Variants in CTNNA1 observed in about 807,000 individuals in gnomAD.
CTNNA1 encodes the protein catenin alpha 1.
CTNNA1 carries 37 observed loss-of-function variants against 98.4 expected under a neutral mutation model. The ratio of observed to expected loss-of-function variants is 0.38; its 90% CI spans 0.29 to 0.49. CTNNA1 has a LOEUF of 0.49. CTNNA1 is among the 20% of genes least tolerant of loss of function. CTNNA1 has a pLI of 0.95. For missense variants in CTNNA1, 761 were observed against 1,147.2 expected (o/e 0.66, Z 4.86); for synonymous variants, 404 against 413.2 (o/e 0.98, Z 0.27).
chr5:138,887,834 C>T (rs1015424947), intron 9 of CTNNA1, 192 bp downstream of exon 9: 5 of 472,510 alleles, frequency 1.1e-5, no homozygotes, highest in African/African-American at 2.0e-5. Context: ...TAACTATGTA[C>T]GTTATTAAAT....
chr5:138,931,783 T>TA, intron 16 of CTNNA1: 2 of 985,546 alleles, frequency 2.0e-6, no homozygotes, highest in Non-Finnish European at 2.4e-6. Flanking sequence ...CATGACTACT[T>TA]AGAATACAGC....
intron 7 of CTNNA1, 140 bp downstream of exon 7, chr5:138,827,858 A>G (rs1414641724): frequency 5.2e-6 from 5 of 966,162 alleles, no homozygotes; most frequent in Non-Finnish European, 6.0e-6. Context: ...TCAGATTTTT[A>G]AAGAAATGGA....
In CTNNA1 at chr5:138,782,028, A is replaced by G. The variant is rs1580978232; in HGVS notation, c.104A>G (p.Gln35Arg). ...AGACTGTTGGAGCCTCTTGTTACACAGGTAAGAATCTGAAAACACAAATAC... is the reference window on the plus strand; with the variant it reads ...AGACTGTTGGAGCCTCTTGTTACACGGGTAAGAATCTGAAAACACAAATAC... ...VERLLEPLVT[Q>R]VTTLVNTNSK... is the part of the protein sequence containing the mutation. The change falls in exon 2 of 18, where the codon CAG becomes CGG. Residue 35 changes from glutamine (Q) to arginine (R), a missense_variant and splice_region_variant. By Grantham distance (43) the Gln-to-Arg change is conservative. Coordinates refer to ENST00000302763, the MANE Select transcript of CTNNA1 (RefSeq NM_001903.5). 4.4e-6 allele frequency: 7 copies of G among 1,608,072 alleles called. No homozygotes were observed. The highest frequency in any genetic ancestry group is 5.1e-6 in the Non-Finnish European group (6 of 1,178,642).
chr5:138,782,449 A>G (rs1467724254), intron 2 of CTNNA1: 9 of 365,068 alleles, frequency 2.5e-5, no homozygotes, highest in Non-Finnish European at 4.4e-5. Flanking sequence ...CAAATGTCAC[A>G]ATGTTAGGGT....
chr5:138,830,704 C>A (rs536466727), intron 7 of CTNNA1, among the ~76,000 whole-genome samples: 10 of 152,320 alleles, frequency 6.6e-5, no homozygotes, highest in South Asian at 4.1e-4. Flanking sequence ...TCAGTCAGTT[C>A]ATTCTGAGTA....
At chr5:138,811,151 C>A (rs1203955892) in intron 4 of CTNNA1, among the ~76,000 whole-genome samples, 3 of 151,874 alleles carry the variant, frequency 2.0e-5, no homozygotes, top group Non-Finnish European at 4.4e-5. Context: ...GGGCTCCTCA[C>A]TTCTCAGATG....
intron 1 of CTNNA1, among the ~76,000 whole-genome samples, chr5:138,772,111 G>A (rs918093781): frequency 6.6e-6 from 1 of 152,146 alleles, no homozygotes; most frequent in Non-Finnish European, 1.5e-5. Flanking sequence ...CCAGTTATCA[G>A]CCCCCTTGGT....
chr5:138,914,439 G>A (rs1008489450), intron 10 of CTNNA1, among the ~76,000 whole-genome samples: 2 of 152,210 alleles, frequency 1.3e-5, no homozygotes, highest in African/African-American at 2.4e-5. Flanking sequence ...ACAGCATAAC[G>A]TGAGAAAAAC....
At chr5:138,899,760 C>A (rs1482174434) in intron 9 of CTNNA1, among the ~76,000 whole-genome samples, 1 of 152,216 alleles carries the variant, frequency 6.6e-6, no homozygotes, top group African/African-American at 2.4e-5. Context: ...TTTCTCTTTT[C>A]TAGCCTCTGA....
intron 9 of CTNNA1, among the ~76,000 whole-genome samples, chr5:138,889,631 C>A (rs1466879881): frequency 2.1e-5 from 3 of 145,836 alleles, no homozygotes; most frequent in Non-Finnish European, 3.0e-5. Context: ...CAAAGGCCCC[C>A]CCACCCCCAC....
At chr5:138,762,613 CCT>C (rs1417817046) in intron 1 of CTNNA1, among the ~76,000 whole-genome samples, 1 of 151,608 alleles carries the variant, frequency 6.6e-6, no homozygotes, top group African/African-American at 2.4e-5. Flanking sequence ...TCGATCAACC[CCT>C]CTTTTTGATT....
intron 7 of CTNNA1, among the ~76,000 whole-genome samples, chr5:138,831,599 G>T (rs2149794615): frequency 6.6e-6 from 1 of 151,306 alleles, no homozygotes; most frequent in Admixed American, 6.6e-5. Context: ...TCTTTCTTCA[G>T]GCCCCACATT....
intron 1 of CTNNA1, among the ~76,000 whole-genome samples, chr5:138,774,404 C>T (rs904044143): frequency 5.9e-5 from 9 of 152,032 alleles, no homozygotes; most frequent in African/African-American, 2.2e-4. Context: ...TTGGGAGATT[C>T]CATGTAAAAA....
intron 7 of CTNNA1, among the ~76,000 whole-genome samples, chr5:138,860,533 G>A (rs542939249): frequency 6.6e-6 from 1 of 152,026 alleles, no homozygotes. Flanking sequence ...ACGGAGTCTT[G>A]CTCTATCTCT....
chr5:138,770,174 A>G lies in CTNNA1; in HGVS notation c.-2-11749A>G, dbSNP rs1462151099. On this transcript the variant is annotated intron_variant, in intron 1 of 17. Transcript: ENST00000302763. ...TAAAAAATGATTTTTGGTTCAAGGA[A>G]GTCAGTTCGGTCCAATTGTTCTAAA... 2.0e-5 allele frequency among the ~76,000 whole-genome samples: 3 copies of G among 152,162 alleles called. No individual in the cohort carries two copies. The East Asian group carries it at 5.8e-4, about 29-fold the overall frequency.
At chr5:138,782,941 T>G (rs1245401216) in intron 2 of CTNNA1, among the ~76,000 whole-genome samples, 1 of 152,202 alleles carries the variant, frequency 6.6e-6, no homozygotes, top group Non-Finnish European at 1.5e-5. Flanking sequence ...AATGATCATA[T>G]TTGAGAAATT....
intron 7 of CTNNA1, chr5:138,871,946 T>A (rs1246998140): frequency 1.3e-5 from 2 of 151,802 alleles, no homozygotes; most frequent in Non-Finnish European, 2.9e-5. Flanking sequence ...GGTTTGAAGA[T>A]CAGGAAAAAG....
chr5:138,796,571 C>A (rs1757003563), intron 3 of CTNNA1, among the ~76,000 whole-genome samples: 1 of 148,996 alleles, frequency 6.7e-6, no homozygotes, highest in Non-Finnish European at 1.5e-5. Flanking sequence ...TAGTAGGTAT[C>A]TGAGAAGAAA....
intron 7 of CTNNA1, among the ~76,000 whole-genome samples, chr5:138,833,020 GT>G (rs1434554041): frequency 6.6e-6 from 1 of 152,114 alleles, no homozygotes; most frequent in Non-Finnish European, 1.5e-5. Flanking sequence ...TAAGGCATGT[GT>G]TTTTCCAATA....
Sources: gnomAD v4.1 joint callset for allele counts (sites outside exome capture counted in the v4.1 genomes callset) on GRCh38, gnomAD v4.1.1 for gene constraint, MANE v1.5 for transcripts, NCBI Gene and HGNC (gene_info 2026-07-23, HGNC 2026-07-21) for gene names.